Variants in KIAA0040 observed in about 807,000 individuals in gnomAD.
The protein encoded by KIAA0040 is uncharacterized protein KIAA0040.
A neutral mutation model predicts 7.2 loss-of-function variants in KIAA0040; 10 were observed. That is an observed-to-expected ratio of 1.38 (90% CI 0.85 to 2.34). KIAA0040 has a LOEUF of 2.34. KIAA0040 is among the 30% of genes most tolerant of loss of function. KIAA0040 has a pLI of 0.00. For missense variants in KIAA0040, 89 were observed against 108.2 expected (o/e 0.82, Z 0.79); for synonymous variants, 49 against 40.1 (o/e 1.22, Z -0.84).
chr1:175,160,586 G>T lies in KIAA0040; in HGVS notation c.*128C>A. Reference sequence around the variant, plus strand: ...CACTGGGACACTTAGTCTGAGGTTTGTTCCTTGGTTGAGTAGTTACTCTGT... The same window carrying T: ...CACTGGGACACTTAGTCTGAGGTTTTTTCCTTGGTTGAGTAGTTACTCTGT... On this transcript the variant is annotated 3_prime_UTR_variant, in exon 4 of 4. Coordinates refer to ENST00000423313, the MANE Select transcript of KIAA0040 (RefSeq NM_014656.3). 1.1e-6 allele frequency: 1 copy of T among 930,020 alleles called. No homozygotes were observed. 57.6% of individuals were successfully genotyped at this position (930,020 alleles called of 1,614,324 possible). A position where few individuals can be genotyped will look rare whatever the true frequency, so the allele number is the denominator to read the frequency against.
chr1:175,164,980 C>G (rs1017424048), intron 3 of KIAA0040, among the ~76,000 whole-genome samples: 3 of 152,214 alleles, frequency 2.0e-5, no homozygotes, highest in Non-Finnish European at 4.4e-5. Flanking sequence ...AGTAATTCAT[C>G]TATTTTTGTA....
chr1:175,182,817 G>A (rs1392120977), intron 1 of KIAA0040, among the ~76,000 whole-genome samples: 1 of 152,216 alleles, frequency 6.6e-6, no homozygotes, highest in African/African-American at 2.4e-5. Flanking sequence ...TGTGTGATGT[G>A]GGTGAAACAG....
At chr1:175,192,805 G>T (rs1309084351), upstream of KIAA0040, 3 of 134,704 alleles carry the variant, frequency 2.2e-5, no homozygotes, top group Admixed American at 7.3e-5. Flanking sequence ...GCCGGCCAAG[G>T]TCGTGGGAGC....
At position 175,160,763 on chromosome 1, in the gene KIAA0040, G is replaced by A; in HGVS notation, c.251C>T (p.Ala84Val). 6.5e-7 allele frequency: 1 copy of A among 1,549,582 alleles called. No individual in the cohort carries two copies. Among genetic ancestry groups the A allele is most frequent in the Non-Finnish European group, 8.7e-7 (1 of 1,146,926 alleles). ...CTCCATCTGGAGAAGCTTGGGTTGA[G>A]CAGAGATCCAGAGGTCTTCTTCATC... ...KKDEEDLWIS[A>V]QPKLLQMEKR... Residue 84 changes from alanine (A) to valine (V), a missense_variant, in exon 4 of 4, where the codon GCT becomes GTT. Transcript: ENST00000423313.
At chr1:175,189,518 A>G (rs1301664915) in intron 1 of KIAA0040, among the ~76,000 whole-genome samples, 1 of 152,188 alleles carries the variant, frequency 6.6e-6, no homozygotes, top group Non-Finnish European at 1.5e-5. Flanking sequence ...CATTTTAGCT[A>G]AGGAGGACAA....
chr1:175,186,683 G>A (rs1466925267), intron 1 of KIAA0040, among the ~76,000 whole-genome samples: 2 of 152,200 alleles, frequency 1.3e-5, no homozygotes, highest in African/African-American at 4.8e-5. Flanking sequence ...ATGTCCTTAT[G>A]CAAAACCAAG....
At chr1:175,170,871 GAAGTATGACATCTAAA>G (rs1357070744) in intron 2 of KIAA0040, among the ~76,000 whole-genome samples, 1 of 826 alleles carries the variant, frequency 1.2e-3, no homozygotes. Context: ...CCCGTCACTA[GAAGTATGACATCTAAA>G]CTAGAAGTAT....
At position 175,160,497 on chromosome 1, in the gene KIAA0040, A is replaced by G. The variant is rs1179698339; in HGVS notation, c.*217T>C. 7.1e-6 allele frequency: 4 copies of G among 560,036 alleles called. No individual in the cohort carries two copies. The highest frequency in any genetic ancestry group is 3.8e-5 in the African/African-American group (2 of 53,090). 34.7% of individuals were successfully genotyped at this position (560,036 alleles called of 1,614,324 possible). A position where few individuals can be genotyped will look rare whatever the true frequency, so the allele number is the denominator to read the frequency against. On this transcript the variant is annotated 3_prime_UTR_variant, in exon 4 of 4. Transcript: ENST00000423313. ...TGGGTCTGCAGTAAGGAGCATTGCT[A>G]TTGGACACATAGCTGCCAAGACAGT...
chr1:175,186,815 A>G (rs1055386176), intron 1 of KIAA0040, among the ~76,000 whole-genome samples: 1 of 152,252 alleles, frequency 6.6e-6, no homozygotes, highest in African/African-American at 2.4e-5. Context: ...TTTGGAAACT[A>G]GGAAAGCTCT....
intron 1 of KIAA0040, among the ~76,000 whole-genome samples, chr1:175,190,833 T>C (rs535308331): frequency 6.6e-6 from 1 of 152,214 alleles, no homozygotes; most frequent in Non-Finnish European, 1.5e-5. Context: ...TGGCTTCCTA[T>C]AGGAGGGAGT....
rs141362326 is a variant in KIAA0040, at chr1:175,170,182, C to T, written c.-309-3445G>A. 1.2e-3 allele frequency among the ~76,000 whole-genome samples: 180 copies of T among 152,186 alleles called. 1 individual carries two copies. Among genetic ancestry groups the T allele is most frequent in the African/African-American group, 4.0e-3 (167 of 41,518 alleles). ...GGGTGAGGGCTCTGAAGTGGGAAAG[C>T]GCATGGCACATCCATGAGAGAGGGC... On this transcript the variant is annotated intron_variant, in intron 2 of 3. Transcript: ENST00000423313.
chr1:175,160,336 C>T lies in KIAA0040; in HGVS notation c.*378G>A, dbSNP rs970820070. 2 of 212,028 alleles carry T rather than the reference C, an allele frequency of 9.4e-6. No homozygotes were observed. Among genetic ancestry groups the T allele is most frequent in the South Asian group, 1.0e-4 (1 of 9,730 alleles). 13.1% of individuals were successfully genotyped at this position (212,028 alleles called of 1,614,324 possible). On this transcript the variant is annotated 3_prime_UTR_variant, in exon 4 of 4. Transcript: ENST00000423313. The stretch of plus-strand genomic sequence containing the variant: ...TTGATGAGCAGAATATACTTGCCCA[C>T]GTACCTGCTACCTGAATTTGTGTGT...
chr1:175,171,957 C>G (rs1035486696), intron 2 of KIAA0040, among the ~76,000 whole-genome samples: 10 of 152,072 alleles, frequency 6.6e-5, no homozygotes, highest in African/African-American at 9.7e-5. Flanking sequence ...AGGATGATAC[C>G]AGGGAAATAA....
intron 1 of KIAA0040, among the ~76,000 whole-genome samples, chr1:175,188,010 T>C (rs1433984390): frequency 2.6e-5 from 4 of 152,238 alleles, no homozygotes; most frequent in Non-Finnish European, 5.9e-5. Flanking sequence ...GGGAGAAAGC[T>C]ATAGTCAAGA....
At chr1:175,162,435 G>A (rs1291833190) in intron 3 of KIAA0040, among the ~76,000 whole-genome samples, 7 of 152,052 alleles carry the variant, frequency 4.6e-5, no homozygotes, top group Admixed American at 3.3e-4. Context: ...CTGGACAATG[G>A]GTTCAGCACT....
At chr1:175,191,434 C>G (rs1238261308) in intron 1 of KIAA0040, among the ~76,000 whole-genome samples, 1 of 152,162 alleles carries the variant, frequency 6.6e-6, no homozygotes, top group East Asian at 1.9e-4. Context: ...GGGATGGGGA[C>G]AGAGAGGCAG....
At chr1:175,181,269 T>A (rs972232214) in intron 1 of KIAA0040, among the ~76,000 whole-genome samples, 1 of 152,192 alleles carries the variant, frequency 6.6e-6, no homozygotes, top group Non-Finnish European at 1.5e-5. Flanking sequence ...CTCACTGCTA[T>A]TACTGTAAAA....
chr1:175,170,681 T>C (rs1676956416), intron 2 of KIAA0040, among the ~76,000 whole-genome samples: 2 of 152,178 alleles, frequency 1.3e-5, no homozygotes, highest in South Asian at 2.1e-4. Context: ...TCTCTGACTA[T>C]GTCCTGACTC....
intron 1 of KIAA0040, among the ~76,000 whole-genome samples, 152 bp downstream of exon 1, chr1:175,192,488 G>T (rs1348108425): frequency 2.6e-5 from 4 of 152,204 alleles, no homozygotes; most frequent in Non-Finnish European, 4.4e-5. Flanking sequence ...CTAAAGTTGT[G>T]AAGGCGCAAG....
Sources: allele counts gnomAD v4.1 joint callset (sites outside exome capture counted in the v4.1 genomes callset), GRCh38; gene constraint gnomAD v4.1.1; transcripts MANE v1.5; gene names NCBI Gene and HGNC (gene_info 2026-07-23, HGNC 2026-07-21).